SLC25A37: variants seen among roughly 807,000 people sequenced by gnomAD.
SLC25A37 encodes mitoferrin-1.
SLC25A37 carries 17 observed loss-of-function variants against 31.0 expected under a neutral mutation model. The observed-to-expected ratio is 0.55, with a 90% confidence interval of 0.38 to 0.82. The LOEUF (loss-of-function observed/expected upper bound fraction) is 0.82, where lower values mean the gene tolerates loss of function less well. SLC25A37 is among the 40% of genes least tolerant of loss of function. The pLI, the probability that SLC25A37 is intolerant of heterozygous loss-of-function variation, is 0.00. For synonymous variants in SLC25A37, 222 were observed against 193.0 expected (o/e 1.15, Z -1.24); for missense variants, 404 against 465.8 (o/e 0.87, Z 1.22).
chr8:23,537,782 G>C (rs144427429), intron 1 of SLC25A37, among the ~76,000 whole-genome samples: 1 of 152,270 alleles, frequency 6.6e-6, no homozygotes, highest in African/African-American at 2.4e-5. Flanking sequence ...GGAAGATCCA[G>C]CCCATTCTTC....
Position 23,529,248 on chromosome 8 carries a change from G to A in SLC25A37, c.210+36G>A. On this transcript the variant is annotated intron_variant, in intron 1 of 3. Transcript: ENST00000519973. The surrounding 1 kb of genome is among the most constrained non-coding windows in gnomAD (Gnocchi z 4.1). ...GGGAGACTTCGGGGACGCAACGAGC[G>A]GAGAAGGAGCGCGCGCGCGCATTTG... 1.9e-6 allele frequency: 3 copies of A among 1,572,028 alleles called. No homozygotes were observed. Among genetic ancestry groups the A allele is most frequent in the Middle Eastern group, 1.8e-4 (1 of 5,644 alleles).
chr8:23,533,048 CCTT>C (rs1204499219), intron 1 of SLC25A37, among the ~76,000 whole-genome samples: 1 of 152,202 alleles, frequency 6.6e-6, no homozygotes, highest in Non-Finnish European at 1.5e-5. Context: ...CCCCCTGCTC[CCTT>C]CTTTTCTCTC....
chr8:23,571,577 C>G lies in SLC25A37; in HGVS notation c.739C>G (p.Leu247Val), dbSNP rs1585207940. ...CATCTCAGGCGGGCTGGCCGGGGCC[C>G]TCGCCGCGGCCGCCACGACCCCCCT... ...HIISGGLAGALAAAATTPLDV... is the reference protein window; with the variant it reads ...HIISGGLAGAVAAAATTPLDV... Residue 247 changes from leucine to valine, a missense_variant, in exon 4 of 4, where the codon CTC becomes GTC. Around this residue, in one of 3 missense-constraint regions of SLC25A37, gnomAD observed 243 missense variants for 284.4 expected, o/e 0.85. Transcript: ENST00000519973. 6.2e-7 allele frequency: 1 copy of G among 1,613,670 alleles called. No homozygotes were observed. The highest frequency in any genetic ancestry group is 8.5e-7 in the Non-Finnish European group (1 of 1,179,824).
chr8:23,530,310 A>G (rs1222481078), intron 1 of SLC25A37, among the ~76,000 whole-genome samples: 1 of 152,184 alleles, frequency 6.6e-6, no homozygotes, highest in Admixed American at 6.5e-5. Flanking sequence ...AGGCCTCTCT[A>G]GGTGGCAATT....
At chr8:23,530,596 T>C (rs1421355844) in intron 1 of SLC25A37, among the ~76,000 whole-genome samples, 1 of 152,222 alleles carries the variant, frequency 6.6e-6, no homozygotes, top group Non-Finnish European at 1.5e-5. Flanking sequence ...GGTTCTCATC[T>C]CCAGGAAAGA....
chr8:23,566,157 T>A lies in SLC25A37; in HGVS notation c.260T>A (p.Ile87Asn). 1 of 1,604,008 alleles carries A rather than the reference T, an allele frequency of 6.2e-7. No homozygotes were observed. Among genetic ancestry groups the A allele is most frequent in the Non-Finnish European group, 8.5e-7 (1 of 1,176,808 alleles). ...GATCCCAAAGCCCAGTACACAAGTA[T>A]CTACGGAGCCCTCAAGAAAATCATG... ...SPDPKAQYTS[I>N]YGALKKIMRT... Residue 87 changes from isoleucine to asparagine, a missense_variant, in exon 2 of 4, where the codon ATC (isoleucine) becomes AAC (asparagine). Physicochemically the swap from Ile to Asn is moderately radical, Grantham distance 149. Transcript: ENST00000519973.
At chr8:23,552,610 C>A (rs1802257087) in intron 1 of SLC25A37, among the ~76,000 whole-genome samples, 1 of 152,136 alleles carries the variant, frequency 6.6e-6, no homozygotes, top group African/African-American at 2.4e-5. Flanking sequence ...CTGTTTGACG[C>A]CCTTCCCATC....
Position 23,573,838 on chromosome 8 carries a change from A to G in SLC25A37, c.*1983A>G, listed in dbSNP as rs557509141. On this transcript the variant is annotated 3_prime_UTR_variant, in exon 4 of 4. Coordinates refer to ENST00000519973, the MANE Select transcript of SLC25A37 (RefSeq NM_016612.4). ...TCCCTGCTCTGCCCCCCACTCCCCA[A>G]AACCAGTTGCAGCCTCAACCCACAT... The G allele has an allele frequency of 2.5e-4, 112 of 456,712 alleles. No homozygotes were observed. The highest frequency in any genetic ancestry group is 2.0e-3 in the African/African-American group (102 of 50,198). The allele number at this position is 456,712 out of a possible 1,614,324, so 28.3% of individuals were successfully genotyped here. A position where few individuals can be genotyped will look rare whatever the true frequency, so the allele number is the denominator to read the frequency against.
rs578107184 is a variant in SLC25A37, at chr8:23,547,514, G to A, written c.210+18302G>A. 6.6e-5 allele frequency among the ~76,000 whole-genome samples: 10 copies of A among 152,226 alleles called. No individual in the cohort carries two copies. In the South Asian group the frequency reaches 1.0e-3, roughly 16 times the overall value. On this transcript the variant is annotated intron_variant, in intron 1 of 3. Transcript: ENST00000519973. ...TGAACTAACACTACATGATTCTCTCGGGAACTCACCAGTTCTAAAATTTCC... is the reference window on the plus strand; with the variant it reads ...TGAACTAACACTACATGATTCTCTCAGGAACTCACCAGTTCTAAAATTTCC...
chr8:23,536,759 G>A (rs781212766), intron 1 of SLC25A37, among the ~76,000 whole-genome samples: 2 of 152,182 alleles, frequency 1.3e-5, no homozygotes, highest in Non-Finnish European at 2.9e-5. Flanking sequence ...CTGCTGCCCT[G>A]TATGCAGGGA....
At chr8:23,557,185 G>A (rs1446884337) in intron 1 of SLC25A37, among the ~76,000 whole-genome samples, 1 of 152,138 alleles carries the variant, frequency 6.6e-6, no homozygotes, top group Non-Finnish European at 1.5e-5. Context: ...TTTTCAAAGG[G>A]CCAGGGTGGG....
chr8:23,538,146 C>T (rs1042491779), intron 1 of SLC25A37, among the ~76,000 whole-genome samples: 4 of 151,320 alleles, frequency 2.6e-5, no homozygotes, highest in Non-Finnish European at 5.9e-5. Context: ...TTTGGGAGGC[C>T]GAGGCGGGCA....
chr8:23,544,693 C>A (rs1046974352), intron 1 of SLC25A37, among the ~76,000 whole-genome samples: 6 of 152,180 alleles, frequency 3.9e-5, no homozygotes, highest in Non-Finnish European at 8.8e-5. Flanking sequence ...CTGTATGATT[C>A]TCTGTGTCCC....
rs776120138 is a variant in SLC25A37 at position 23,529,045 on chromosome 8, C to G, written c.43C>G (p.Arg15Gly). The part of the protein sequence containing the change: ...SGSVGSQAVA[R>G]RMDGDSRDGG... ...GAGCGTGGGCAGCCAGGCGGTGGCG[C>G]GGAGGATGGATGGGGACAGCCGAGA... The change falls in exon 1 of 4, where the codon CGG (arginine) becomes GGG (glycine). Residue 15 changes from arginine (R) to glycine (G), a missense_variant. Coordinates refer to ENST00000519973, the MANE Select transcript of SLC25A37 (RefSeq NM_016612.4). The surrounding 1 kb of genome is among the most constrained non-coding windows in gnomAD (Gnocchi z 4.1). 1 of 1,567,826 alleles carries G rather than the reference C, an allele frequency of 6.4e-7. No homozygotes were observed.
intron 1 of SLC25A37, among the ~76,000 whole-genome samples, chr8:23,546,515 A>ATATATATATATAGGTG: frequency 1.4e-5 from 1 of 73,610 alleles, no homozygotes; most frequent in Middle Eastern, 5.7e-3. Flanking sequence ...ATATATAGGT[A>ATATATATATATAGGTG]TATATATATA....
At chr8:23,540,324 C>A (rs1313823512) in intron 1 of SLC25A37, among the ~76,000 whole-genome samples, 3 of 152,130 alleles carry the variant, frequency 2.0e-5, no homozygotes, top group Non-Finnish European at 4.4e-5. Flanking sequence ...ATGTTAATGG[C>A]AGCAGAGCCC....
At chr8:23,536,693 G>C (rs1801776526) in intron 1 of SLC25A37, among the ~76,000 whole-genome samples, 1 of 152,060 alleles carries the variant, frequency 6.6e-6, no homozygotes, top group African/African-American at 2.4e-5. Flanking sequence ...GCTTCCCCTC[G>C]GGCCTGCCCT....
Position 23,573,971 on chromosome 8 carries a change from G to A in SLC25A37, c.*2116G>A. On this transcript the variant is annotated 3_prime_UTR_variant, in exon 4 of 4. Coordinates refer to ENST00000519973, the MANE Select transcript of SLC25A37 (RefSeq NM_016612.4). ...AATGGTGTTAAATTCTGCAAATGGA[G>A]GGGAAAAAAATCAAATTCTAAATTT... is the stretch of plus-strand genomic sequence containing the variant. 4 of 350,226 alleles carry A rather than the reference G, an allele frequency of 1.1e-5. No individual in the cohort carries two copies. Among genetic ancestry groups the A allele is most frequent in the East Asian group, 8.2e-5 (1 of 12,254 alleles). 21.7% of individuals were successfully genotyped at this position (350,226 alleles called of 1,614,324 possible).
rs1802904862 is a variant in SLC25A37 at position 23,573,117 on chromosome 8, G to C, written c.*1262G>C. 1 of 152,218 alleles carries C rather than the reference G, an allele frequency of 6.6e-6. No individual in the cohort carries two copies. The highest frequency in any genetic ancestry group is 2.4e-5 in the African/African-American group (1 of 41,400). The allele number at this position is 152,218 out of a possible 1,614,324, so 9.4% of individuals were successfully genotyped here. ...CCCAACCATTAATTCTCATGTCACA[G>C]CTTCTCACTGCATGTGACAAGAGCC... On this transcript the variant is annotated 3_prime_UTR_variant, in exon 4 of 4. Transcript: ENST00000519973.
Sources: allele counts gnomAD v4.1 joint callset (sites outside exome capture counted in the v4.1 genomes callset), GRCh38; gene constraint gnomAD v4.1.1; regional missense constraint gnomAD v4.1.1; non-coding constraint Gnocchi (gnomAD v3.1); transcripts MANE v1.5; gene names NCBI Gene and HGNC (gene_info 2026-07-23, HGNC 2026-07-21).